The following ANKRD12 variants were observed in gnomAD, a reference collection of about 807,000 sequenced individuals.
ANKRD12 encodes the protein ankyrin repeat domain 12.
In ANKRD12, 85 loss-of-function variants were observed where a neutral mutation model predicts 183.4. The observed-to-expected ratio is 0.46, with a 90% confidence interval of 0.39 to 0.56. The LOEUF is 0.56. ANKRD12 is among the 20% of genes least tolerant of loss of function. The pLI is 0.00. For missense variants in ANKRD12, 2,405 were observed against 2,357.1 expected, an observed-to-expected ratio of 1.02 and a Z score of -0.42; for synonymous variants, 914 against 800.2, an observed-to-expected ratio of 1.14 and a Z score of -2.40.
intron 1 of ANKRD12, among the ~76,000 whole-genome samples, chr18:9,144,939 A>T (rs960596069): frequency 1.3e-5 from 2 of 152,168 alleles, no homozygotes; most frequent in Non-Finnish European, 2.9e-5. Flanking sequence ...TGTGTATCAT[A>T]CTAATATATC....
chr18:9,249,268 C>T (rs568841111), intron 8 of ANKRD12, among the ~76,000 whole-genome samples: 1 of 152,286 alleles, frequency 6.6e-6, no homozygotes, highest in South Asian at 2.1e-4. Context: ...ACCACACTCT[C>T]ACCCCTCTCA....
chr18:9,268,416 A>G (rs572707748), intron 10 of ANKRD12, among the ~76,000 whole-genome samples: 2 of 152,346 alleles, frequency 1.3e-5, no homozygotes, highest in East Asian at 3.9e-4. Context: ...CAAGAAGCTT[A>G]TCCACCATGA....
intron 1 of ANKRD12, among the ~76,000 whole-genome samples, chr18:9,169,582 C>A (rs1013160954): frequency 6.1e-4 from 93 of 152,210 alleles, no homozygotes; most frequent in African/African-American, 2.0e-3. Flanking sequence ...TTCCTCCATC[C>A]CTTTATTTTG....
chr18:9,263,855 G>A lies in ANKRD12; in HGVS notation c.5730G>A (p.Arg1910=), dbSNP rs2039126039. The change falls in exon 10 of 13, where the codon AGG becomes AGA. Residue 1910 remains arginine, a synonymous_variant. Transcript: ENST00000262126. The stretch of plus-strand genomic sequence containing the variant: ...TTTTTCGACAACAGGAAGTTGTAAG[G>A]ATGAAACTACGTTTGCAACACAGTA... ...KELFRQQEVV[R]MKLRLQHSIE... is the part of the protein sequence containing the mutation. 6.6e-7 allele frequency: 1 copy of A among 1,518,644 alleles called. No individual in the cohort carries two copies. The highest frequency in any genetic ancestry group is 1.4e-5 in the African/African-American group (1 of 72,642). The allele number at this position is 1,518,644 out of a possible 1,614,324, so 94.1% of individuals were successfully genotyped here. A position where few individuals can be genotyped will look rare whatever the true frequency, so the allele number is the denominator to read the frequency against.
intron 10 of ANKRD12, among the ~76,000 whole-genome samples, chr18:9,274,256 T>A (rs1468580238): frequency 6.6e-6 from 1 of 152,238 alleles, no homozygotes; most frequent in Non-Finnish European, 1.5e-5. Context: ...AAGTGGCATA[T>A]TTTGGGGTAG....
At chr18:9,244,324 A>T (rs1173002136) in intron 8 of ANKRD12, among the ~76,000 whole-genome samples, 1 of 152,166 alleles carries the variant, frequency 6.6e-6, no homozygotes, top group Non-Finnish European at 1.5e-5. Flanking sequence ...TTTTAGTGAC[A>T]CAAAATATAA....
chr18:9,142,401 G>A (rs1423803326), intron 1 of ANKRD12, among the ~76,000 whole-genome samples: 1 of 152,160 alleles, frequency 6.6e-6, no homozygotes, highest in Non-Finnish European at 1.5e-5. Context: ...CTGGAGTAAT[G>A]TTAGATTCCT....
At chr18:9,265,489 C>G (rs1598748935) in intron 10 of ANKRD12, among the ~76,000 whole-genome samples, 1 of 152,300 alleles carries the variant, frequency 6.6e-6, no homozygotes, top group East Asian at 1.9e-4. Flanking sequence ...GTTCTGCAGT[C>G]TCCGCTGCTG....
chr18:9,165,444 T>C (rs2031938308), intron 1 of ANKRD12, among the ~76,000 whole-genome samples: 2 of 152,186 alleles, frequency 1.3e-5, no homozygotes. Context: ...CCATCACCAC[T>C]GTTCTTCATC....
At chr18:9,242,301 A>G (rs1449380564) in intron 8 of ANKRD12, among the ~76,000 whole-genome samples, 1 of 152,178 alleles carries the variant, frequency 6.6e-6, no homozygotes, top group East Asian at 1.9e-4. Context: ...TTTTCCTTAG[A>G]AACTGAATTT....
rs1231061213 is a variant in ANKRD12 at position 9,284,650 on chromosome 18, G to A, written c.*3524G>A. On this transcript the variant is annotated 3_prime_UTR_variant, in exon 13 of 13. Transcript: ENST00000262126. ...AAGTGACTTCTTGGGAGCCGTCTTT[G>A]TACCTAAAATGGAGTTTTTTTTTAA... The A allele has an allele frequency of 6.6e-6, 1 of 152,024 alleles. No homozygotes were observed. The highest frequency in any genetic ancestry group is 1.9e-4 in the East Asian group (1 of 5,184). The allele number at this position is 152,024 out of a possible 1,614,324, so 9.4% of individuals were successfully genotyped here. A position where few individuals can be genotyped will look rare whatever the true frequency, so the allele number is the denominator to read the frequency against.
chr18:9,144,834 G>C (rs999335195), intron 1 of ANKRD12, among the ~76,000 whole-genome samples: 1 of 151,500 alleles, frequency 6.6e-6, no homozygotes, highest in Non-Finnish European at 1.5e-5. Context: ...GAAACTTTAG[G>C]GGAAAATATG....
At chr18:9,210,720 T>G (rs2035749992) in intron 5 of ANKRD12, among the ~76,000 whole-genome samples, 1 of 8,558 alleles carries the variant, frequency 1.2e-4, no homozygotes, top group African/African-American at 2.9e-4. Flanking sequence ...AGTGAGACTC[T>G]GTCTCAAAAA....
At chr18:9,216,657 G>T in intron 6 of ANKRD12, 101 bp from the exon 7 acceptor site, 6 of 1,174,354 alleles carry the variant, frequency 5.1e-6, no homozygotes, top group South Asian at 1.6e-5. Context: ...TGCACGATGT[G>T]CAGTTTTAGA....
chr18:9,258,953 TATACACCTGTAAC>T (rs1567985771), intron 9 of ANKRD12, 22 bp downstream of exon 9: 2 of 1,578,068 alleles, frequency 1.3e-6, no homozygotes, highest in Non-Finnish European at 1.7e-6. Context: ...CATCACTTGC[TATACACCTGTAAC>T]ACTGCCCAAT....
In ANKRD12 at chr18:9,255,946, T is replaced by C. The variant is rs760463923; in HGVS notation, c.2679T>C (p.Ala893=). 2 of 1,581,506 alleles carry C rather than the reference T, an allele frequency of 1.3e-6. No homozygotes were observed. The highest frequency in any genetic ancestry group is 1.7e-6 in the Non-Finnish European group (2 of 1,171,174). The part of the protein sequence containing the change: ...KEGEKSKNTA[A]IKKTDDREKS... ...GTGAGAAGAGCAAAAATACTGCTGC[T>C]ATTAAAAAAACTGACGACAGAGAGA... The change falls in exon 9 of 13, where the codon GCT becomes GCC. Residue 893 remains alanine, a synonymous_variant. Transcript: ENST00000262126.
In ANKRD12 at chr18:9,257,535, T is replaced by A; in HGVS notation, c.4268T>A (p.Val1423Asp). 6.2e-7 allele frequency: 1 copy of A among 1,614,126 alleles called. No individual in the cohort carries two copies. Reference sequence around the variant, plus strand: ...CAGAATAAATCATGGGAGATGCCTGTTGATAGACTAGAGACATTAAGCACC... The same window carrying A: ...CAGAATAAATCATGGGAGATGCCTGATGATAGACTAGAGACATTAAGCACC... ...VIQNKSWEMP[V>D]DRLETLSTRD... The change falls in exon 9 of 13, where the codon GTT (valine) becomes GAT (aspartate). Residue 1423 changes from valine to aspartate, a missense_variant. By Grantham distance (152) the Val-to-Asp change is radical. This residue lies in a region of ANKRD12 where 1,983 missense variants were observed against 1,725.9 expected (regional missense o/e 1.15). Transcript: ENST00000262126.
At position 9,195,652 on chromosome 18, in the gene ANKRD12, T is replaced by C; in HGVS notation, c.189T>C (p.Pro63=). 6.2e-7 allele frequency: 1 copy of C among 1,612,728 alleles called. No homozygotes were observed. Among genetic ancestry groups the C allele is most frequent in the South Asian group, 1.1e-5 (1 of 91,006 alleles). Residue 63 remains proline, a synonymous_variant, in exon 3 of 13, where the codon CCT becomes CCC. Coordinates refer to ENST00000262126, the MANE Select transcript of ANKRD12 (RefSeq NM_015208.5). ...AATCATCCATGAAACGTAAACTTCC[T>C]TTTACTATTAGCCCATCAAGAAATG... ...KEKSSMKRKL[P]FTISPSRNEE...
Position 9,209,608 on chromosome 18 carries a change from A to C in ANKRD12, c.451+805A>C, listed in dbSNP as rs1228124996. ...AGCATGAGCGTATCTAATATCTGTC[A>C]CTGCTAAAAAAATGTTTTAGGGCTT... is the stretch of plus-strand genomic sequence containing the variant. On this transcript the variant is annotated intron_variant, in intron 5 of 12. Transcript: ENST00000262126. Among the ~76,000 whole-genome samples, 3 of 152,124 alleles carry C rather than the reference A, an allele frequency of 2.0e-5. No homozygotes were observed. In the East Asian group the frequency reaches 5.8e-4, roughly 29 times the overall value.
Sources: gnomAD v4.1 joint callset for allele counts (sites outside exome capture counted in the v4.1 genomes callset) on GRCh38, gnomAD v4.1.1 for gene constraint, gnomAD v4.1.1 regional missense constraint, MANE v1.5 for transcripts, NCBI Gene and HGNC (gene_info 2026-07-23, HGNC 2026-07-21) for gene names.